The following RASA1 variants were observed in gnomAD, a reference collection of about 807,000 sequenced individuals.
RASA1 encodes the protein ras GTPase-activating protein 1.
In RASA1, 25 loss-of-function variants were observed where a neutral mutation model predicts 132.2. The ratio of observed to expected loss-of-function variants is 0.19; its 90% CI spans 0.14 to 0.26. The LOEUF (loss-of-function observed/expected upper bound fraction) is 0.26, where lower values mean the gene tolerates loss of function less well. Ranked by LOEUF, RASA1 falls within the 10% of genes least tolerant of loss-of-function variation. The pLI is 1.00. For synonymous variants in RASA1, 477 were observed against 449.9 expected, an observed-to-expected ratio of 1.06 and a Z score of -0.76; for missense variants, 964 against 1,299.2, an observed-to-expected ratio of 0.74 and a Z score of 3.97.
chr5:87,270,862 A>G (rs1305904417), intron 1 of RASA1, among the ~76,000 whole-genome samples: 1 of 152,028 alleles, frequency 6.6e-6, no homozygotes, highest in East Asian at 1.9e-4. Flanking sequence ...TTCCTCAATA[A>G]AGGATTCAAG....
At chr5:87,285,297 G>GACCTCGTGATCCTTCC in intron 1 of RASA1, among the ~76,000 whole-genome samples, 1 of 151,810 alleles carries the variant, frequency 6.6e-6, no homozygotes, top group Non-Finnish European at 1.5e-5. Context: ...TTGATTTCTT[G>GACCTCGTGATCCTTCC]ACCTCGTGAT....
chr5:87,388,016 A>G (rs1762183292), intron 23 of RASA1, among the ~76,000 whole-genome samples: 1 of 152,184 alleles, frequency 6.6e-6, no homozygotes, highest in Non-Finnish European at 1.5e-5. Context: ...ATTTTTGAAG[A>G]CCCACCTCAA....
At chr5:87,340,779 T>C (rs1033194308) in intron 5 of RASA1, among the ~76,000 whole-genome samples, 3 of 152,074 alleles carry the variant, frequency 2.0e-5, no homozygotes, top group African/African-American at 7.2e-5. Context: ...AAGTGGAAAG[T>C]ACATTCTAAG....
At chr5:87,270,186 G>A (rs1753762370) in intron 1 of RASA1, among the ~76,000 whole-genome samples, 1 of 148,062 alleles carries the variant, frequency 6.8e-6, no homozygotes, top group Non-Finnish European at 1.5e-5. Flanking sequence ...AGGTTGCAGT[G>A]AGCCGAGATC....
At chr5:87,328,125 A>G in intron 1 of RASA1, among the ~76,000 whole-genome samples, 1 of 152,334 alleles carries the variant, frequency 6.6e-6, no homozygotes, top group South Asian at 2.1e-4. Context: ...CATTGGACAA[A>G]TACTTTTAAA....
intron 13 of RASA1, among the ~76,000 whole-genome samples, chr5:87,372,456 T>C (rs1248460806): frequency 6.6e-6 from 1 of 152,158 alleles, no homozygotes. Flanking sequence ...AACGGTTCTG[T>C]TGGGCACTTA....
chr5:87,373,381 G>A (rs1580378664), intron 13 of RASA1, among the ~76,000 whole-genome samples: 1 of 152,140 alleles, frequency 6.6e-6, no homozygotes, highest in Admixed American at 6.6e-5. Flanking sequence ...CAGATACTAT[G>A]TCATTTTCTA....
intron 7 of RASA1, 29 bp from the exon 8 acceptor site, chr5:87,349,185 G>C: frequency 6.2e-7 from 1 of 1,608,298 alleles, no homozygotes; most frequent in Non-Finnish European, 8.5e-7. Context: ...TTGATAATTA[G>C]GGAAAAACTA....
At chr5:87,305,950 T>TAA (rs1755588967) in intron 1 of RASA1, among the ~76,000 whole-genome samples, 1 of 152,170 alleles carries the variant, frequency 6.6e-6, no homozygotes, top group Non-Finnish European at 1.5e-5. Context: ...TGGGTGTTAT[T>TAA]AAGAAGTCAG....
At position 87,353,230 on chromosome 5, in the gene RASA1, A is replaced by G. The variant is rs952699191; in HGVS notation, c.1327A>G (p.Met443Val). 3.7e-6 allele frequency: 6 copies of G among 1,602,332 alleles called. No homozygotes were observed. The highest frequency in any genetic ancestry group is 4.3e-6 in the Non-Finnish European group (5 of 1,169,980). Residue 443 changes from methionine to valine, a missense_variant, in exon 9 of 25, where the codon ATG (methionine) becomes GTG (valine). Met to Val is a conservative substitution (Grantham distance 21). Around this residue, in one of 6 missense-constraint regions of RASA1, gnomAD observed 25 missense variants for 18.8 expected, o/e 1.33. Transcript: ENST00000274376. The part of the protein sequence containing the change: ...EGYYLKEPVP[M>V]QDQEQVLNDT... ...ATATTATCTTAAGGAACCTGTACCA[A>G]TGCAGGTCAGTGTTGCATTTCTTAT... is the stretch of plus-strand genomic sequence containing the variant.
At position 87,338,088 on chromosome 5, in the gene RASA1, G is replaced by C. The variant is rs1758103041; in HGVS notation, c.1014G>C (p.Glu338Asp). 6.2e-7 allele frequency: 1 copy of C among 1,612,106 alleles called. No individual in the cohort carries two copies. The stretch of plus-strand genomic sequence containing the variant: ...TTATTGTTGAAGACCTAGTAGAAGA[G>C]GTGGTAAGTTTTGTTCTTTTCTTCT... ...QGLIVEDLVE[E>D]VGREEDPHEG... Residue 338 changes from glutamate (E) to aspartate (D), a missense_variant, in exon 5 of 25, where the codon GAG (glutamate) becomes GAC (aspartate). Physicochemically the swap from Glu to Asp is conservative, Grantham distance 45. Coordinates refer to ENST00000274376, the MANE Select transcript of RASA1 (RefSeq NM_002890.3).
At chr5:87,273,998 T>C (rs549095610) in intron 1 of RASA1, among the ~76,000 whole-genome samples, 5 of 152,252 alleles carry the variant, frequency 3.3e-5, no homozygotes, top group African/African-American at 9.6e-5. Flanking sequence ...TCGCGGCCAA[T>C]AGGAAGATTT....
intron 1 of RASA1, among the ~76,000 whole-genome samples, chr5:87,293,098 C>A (rs533279078): frequency 3.2e-4 from 48 of 151,952 alleles, no homozygotes; most frequent in African/African-American, 1.1e-3. Context: ...TACCTTTTTC[C>A]TTTTTCTGTT....
intron 15 of RASA1, among the ~76,000 whole-genome samples, chr5:87,375,511 T>G (rs897607682): frequency 5.9e-5 from 9 of 152,210 alleles, no homozygotes; most frequent in African/African-American, 2.2e-4. Context: ...TCTGCCGGCC[T>G]CGGCCTCCCA....
Position 87,268,656 on chromosome 5 carries a change from T to C in RASA1, c.205T>C (p.Ser69Pro), listed in dbSNP as rs1013657741. The C allele has an allele frequency of 6.2e-7, 1 of 1,610,482 alleles. No individual in the cohort carries two copies. The highest frequency in any genetic ancestry group is 8.5e-7 in the Non-Finnish European group (1 of 1,178,856). The change falls in exon 1 of 25, where the codon TCA becomes CCA. Residue 69 changes from serine (S) to proline (P), a missense_variant. By Grantham distance (74) the Ser-to-Pro change is moderately conservative (BLOSUM62 -1). Around this residue, in one of 6 missense-constraint regions of RASA1, gnomAD observed 326 missense variants for 275.8 expected, o/e 1.18. Transcript: ENST00000274376. ...GTLGGGAALG[S>P]EFLGAGSVAG... ...TCTGGGTGGCGGAGCCGCTTTGGGG[T>C]CAGAGTTCCTAGGAGCCGGGTCTGT...
chr5:87,367,752 T>A (rs531867026), intron 11 of RASA1, among the ~76,000 whole-genome samples: 1 of 152,302 alleles, frequency 6.6e-6, no homozygotes, highest in African/African-American at 2.4e-5. Flanking sequence ...ATGAAAATGT[T>A]TTGCTGGATA....
At chr5:87,273,615 A>T (rs911902909) in intron 1 of RASA1, among the ~76,000 whole-genome samples, 2 of 152,030 alleles carry the variant, frequency 1.3e-5, no homozygotes, top group Non-Finnish European at 2.9e-5. Context: ...CAACCCACAG[A>T]TATATACTGC....
At chr5:87,325,200 A>C (rs1224626395) in intron 1 of RASA1, among the ~76,000 whole-genome samples, 1 of 152,140 alleles carries the variant, frequency 6.6e-6, no homozygotes, top group Admixed American at 6.6e-5. Context: ...AAACCATTAG[A>C]TCTCGTGAGA....
At chr5:87,351,673 T>C (rs1359070029) in intron 8 of RASA1, among the ~76,000 whole-genome samples, 1 of 151,778 alleles carries the variant, frequency 6.6e-6, no homozygotes, top group Non-Finnish European at 1.5e-5. Flanking sequence ...AAAATTCTGG[T>C]TTATCTCCCC....
Sources: allele counts gnomAD v4.1 joint callset (sites outside exome capture counted in the v4.1 genomes callset), GRCh38; gene constraint gnomAD v4.1.1; regional missense constraint gnomAD v4.1.1; transcripts MANE v1.5; gene names NCBI Gene and HGNC (gene_info 2026-07-23, HGNC 2026-07-21).